Variants in GCC2 observed in about 807,000 individuals in gnomAD.
The protein encoded by GCC2 is GRIP and coiled-coil domain containing 2, also known as GRIP and coiled-coil domain-containing protein 2.
In GCC2, 120 loss-of-function variants were observed where a neutral mutation model predicts 210.6. The observed-to-expected ratio is 0.57, with a 90% CI of 0.49 to 0.66. The LOEUF is 0.66. Ranked by LOEUF, GCC2 falls within the 30% of genes least tolerant of loss-of-function variation. The pLI, the probability that GCC2 is intolerant of heterozygous loss-of-function variation, is 0.00. For missense variants in GCC2, 1,868 were observed against 1,871.9 expected, an observed-to-expected ratio of 1.00 and a Z score of 0.04; for synonymous variants, 703 against 652.7, an observed-to-expected ratio of 1.08 and a Z score of -1.17.
Position 108,471,777 on chromosome 2 carries a change from G to A in GCC2, c.2448G>A (p.Lys816=), listed in dbSNP as rs964071112. Residue 816 remains lysine, a synonymous_variant, in exon 6 of 23, where the codon AAG becomes AAA. Transcript: ENST00000309863. The part of the protein sequence containing the change: ...EKVLELEKEI[K]CLQEESVVQC... ...TATTAGAGTTAGAAAAAGAGATTAA[G>A]TGCCTTCAAGAAGAGAGTGTAGTTC... 1.2e-6 allele frequency: 2 copies of A among 1,613,114 alleles called. No individual in the cohort carries two copies. The highest frequency in any genetic ancestry group is 1.7e-6 in the Non-Finnish European group (2 of 1,179,496).
At chr2:108,465,181 GT>G (rs1309491433) in intron 4 of GCC2, among the ~76,000 whole-genome samples, 1 of 152,132 alleles carries the variant, frequency 6.6e-6, no homozygotes, top group Non-Finnish European at 1.5e-5. Context: ...ACCTTAATGT[GT>G]TTTCCGTCAC....
In GCC2 at chr2:108,508,973, A is replaced by G. The variant is rs1455476669; in HGVS notation, c.*1343A>G. ...GAACATTGGTTTCCAATTCAGTTTA[A>G]CTGAAATTTGCTGCTGATATGTTGA... On this transcript the variant is annotated 3_prime_UTR_variant, in exon 23 of 23. Coordinates refer to ENST00000309863, the MANE Select transcript of GCC2 (RefSeq NM_181453.4). The G allele has an allele frequency of 6.6e-6, 1 of 152,656 alleles. No individual in the cohort carries two copies. The highest frequency in any genetic ancestry group is 1.9e-4 in the East Asian group (1 of 5,200). 9.5% of individuals were successfully genotyped at this position (152,656 alleles called of 1,614,324 possible).
chr2:108,505,544 G>C (rs1485904663), intron 22 of GCC2, among the ~76,000 whole-genome samples: 1 of 152,142 alleles, frequency 6.6e-6, no homozygotes, highest in Non-Finnish European at 1.5e-5. Flanking sequence ...TATCTTGCTA[G>C]CGGACTCTCT....
Position 108,470,967 on chromosome 2 carries a change from G to C in GCC2, c.1638G>C (p.Lys546Asn), listed in dbSNP as rs1467723931. 1.2e-5 allele frequency: 20 copies of C among 1,613,112 alleles called. No homozygotes were observed. The highest frequency in any genetic ancestry group is 1.6e-5 in the Non-Finnish European group (19 of 1,179,574). ...ATCGCCTCCAGGGAGAAAATGAAAAGTTACTATCTCAACAAGAATTGGTAC... is the reference window on the plus strand; with the variant it reads ...ATCGCCTCCAGGGAGAAAATGAAAACTTACTATCTCAACAAGAATTGGTAC... Reference protein sequence around the residue: ...TVNRLQGENEKLLSQQELVPE... With the variant: ...TVNRLQGENENLLSQQELVPE... Residue 546 changes from lysine (K) to asparagine (N), a missense_variant, in exon 6 of 23, where the codon AAG becomes AAC. Lys to Asn is a moderately conservative substitution (Grantham distance 94). Around this residue, in one of 3 missense-constraint regions of GCC2, gnomAD observed 1,847 missense variants for 1,765.2 expected, o/e 1.05. Coordinates refer to ENST00000309863, the MANE Select transcript of GCC2 (RefSeq NM_181453.4).
At chr2:108,495,181 A>T in intron 19 of GCC2, 110 bp from the exon 20 acceptor site, 1 of 600,278 alleles carries the variant, frequency 1.7e-6, no homozygotes, top group Non-Finnish European at 2.9e-6. Flanking sequence ...TAGTTACTTA[A>T]TTCCTCTACT....
At chr2:108,449,743 T>A in intron 2 of GCC2, 54 bp downstream of exon 2, 1 of 1,421,422 alleles carries the variant, frequency 7.0e-7, no homozygotes, top group Non-Finnish European at 9.9e-7. Context: ...GGTGATGAAT[T>A]GGAAAACTTT....
intron 18 of GCC2, among the ~76,000 whole-genome samples, chr2:108,490,443 T>G (rs1163295005): frequency 6.6e-6 from 1 of 152,240 alleles, no homozygotes; most frequent in Non-Finnish European, 1.5e-5. Flanking sequence ...TGTAATACTT[T>G]AAATAGACAT....
intron 2 of GCC2, chr2:108,449,906 G>C: frequency 5.4e-6 from 3 of 560,268 alleles, no homozygotes; most frequent in Non-Finnish European, 9.5e-6. Flanking sequence ...CTCCTGGTTA[G>C]CACTGCTGGG....
chr2:108,455,065 A>G (rs1258700044), intron 4 of GCC2, among the ~76,000 whole-genome samples: 1 of 152,146 alleles, frequency 6.6e-6, no homozygotes, highest in Non-Finnish European at 1.5e-5. Context: ...GAATAAGAAC[A>G]TTTAAATATC....
At chr2:108,492,842 C>G in intron 19 of GCC2, 52 bp downstream of exon 19, 1 of 1,251,930 alleles carries the variant, frequency 8.0e-7, no homozygotes. Flanking sequence ...ATGCATTTGT[C>G]TCTTAAATAC....
intron 9 of GCC2, among the ~76,000 whole-genome samples, chr2:108,476,650 A>G (rs1573380255): frequency 1.3e-5 from 2 of 152,230 alleles, no homozygotes; most frequent in Admixed American, 6.5e-5. Flanking sequence ...ATTAAAAATT[A>G]AAGTACAACA....
intron 4 of GCC2, among the ~76,000 whole-genome samples, chr2:108,456,909 T>TA (rs1377341299): frequency 6.6e-6 from 1 of 150,862 alleles, no homozygotes; most frequent in Non-Finnish European, 1.5e-5. Context: ...TAATCACACT[T>TA]ACTGCACTCC....
intron 5 of GCC2, chr2:108,469,359 A>G: frequency 4.7e-6 from 2 of 429,464 alleles, no homozygotes; most frequent in Non-Finnish European, 8.2e-6. Context: ...ACATGACTAA[A>G]TACCATTATC....
intron 19 of GCC2, 86 bp downstream of exon 19, chr2:108,492,876 G>T (rs970840000): frequency 3.3e-6 from 3 of 916,284 alleles, no homozygotes; most frequent in Non-Finnish European, 5.2e-6. Context: ...TCATAAGAAA[G>T]AAAATTTACT....
Position 108,492,695 on chromosome 2 carries a change from A to G in GCC2, c.4352A>G (p.Gln1451Arg), listed in dbSNP as rs1682466049. The part of the protein sequence containing the change: ...NSFRDQVRHL[Q>R]EEHRKTVETL... The stretch of plus-strand genomic sequence containing the variant: ...TTCCGAGATCAAGTGCGACATTTGC[A>G]GGAAGAACACAGAAAGACAGTGGAG... The change falls in exon 19 of 23, where the codon CAG (glutamine) becomes CGG (arginine). Residue 1451 changes from glutamine to arginine, a missense_variant. Physicochemically the swap from Gln to Arg is conservative, Grantham distance 43 (BLOSUM62 1). Coordinates refer to ENST00000309863, the MANE Select transcript of GCC2 (RefSeq NM_181453.4). 6.2e-7 allele frequency: 1 copy of G among 1,613,836 alleles called. No individual in the cohort carries two copies. Among genetic ancestry groups the G allele is most frequent in the African/African-American group, 1.3e-5 (1 of 74,932 alleles).
chr2:108,471,411 C>A lies in GCC2; in HGVS notation c.2082C>A (p.Asn694Lys). The A allele has an allele frequency of 6.2e-7, 1 of 1,605,376 alleles. No individual in the cohort carries two copies. Among genetic ancestry groups the A allele is most frequent in the Non-Finnish European group, 8.5e-7 (1 of 1,177,634 alleles). Reference sequence around the variant, plus strand: ...AAGTGAAGTCTCTTTATGAGGAAAACAATAAACTCAGTTCAGAAAAAAAAC... The same window carrying A: ...AAGTGAAGTCTCTTTATGAGGAAAAAAATAAACTCAGTTCAGAAAAAAAAC... Reference protein sequence around the residue: ...SAEVKSLYEENNKLSSEKKQL... With the variant: ...SAEVKSLYEEKNKLSSEKKQL... The change falls in exon 6 of 23, where the codon AAC becomes AAA. Residue 694 changes from asparagine (N) to lysine (K), a missense_variant. Coordinates refer to ENST00000309863, the MANE Select transcript of GCC2 (RefSeq NM_181453.4).
chr2:108,458,720 C>G (rs1680398171), intron 4 of GCC2, among the ~76,000 whole-genome samples: 1 of 151,998 alleles, frequency 6.6e-6, no homozygotes, highest in Non-Finnish European at 1.5e-5. Context: ...CATAGCTGTT[C>G]ATAATATTCT....
At position 108,481,722 on chromosome 2, in the gene GCC2, A is replaced by C; in HGVS notation, c.3086A>C (p.Gln1029Pro). Reference protein sequence around the residue: ...YKNLLLEYEKQSEQLDVEKER... With the variant: ...YKNLLLEYEKPSEQLDVEKER... Reference sequence around the variant, plus strand: ...AATCTTTTATTAGAATATGAAAAGCAGTCAGAGCAACTGGATGTGGAAAAA... The same window carrying C: ...AATCTTTTATTAGAATATGAAAAGCCGTCAGAGCAACTGGATGTGGAAAAA... Residue 1029 changes from glutamine to proline, a missense_variant, in exon 10 of 23, where the codon CAG (glutamine) becomes CCG (proline). Gln to Pro is a moderately conservative substitution (Grantham distance 76, BLOSUM62 -1). Around this residue, in one of 3 missense-constraint regions of GCC2, gnomAD observed 1,847 missense variants for 1,765.2 expected, o/e 1.05. Coordinates refer to ENST00000309863, the MANE Select transcript of GCC2 (RefSeq NM_181453.4). 6.3e-7 allele frequency: 1 copy of C among 1,599,500 alleles called. No individual in the cohort carries two copies. Among genetic ancestry groups the C allele is most frequent in the Non-Finnish European group, 8.5e-7 (1 of 1,171,830 alleles).
intron 19 of GCC2, 147 bp downstream of exon 19, chr2:108,492,937 TAGAA>T: frequency 1.5e-6 from 1 of 662,640 alleles, no homozygotes; most frequent in South Asian, 1.8e-5. Flanking sequence ...ATTTGCTTAC[TAGAA>T]AGATAATTGA....
Sources: gnomAD v4.1 joint callset for allele counts (sites outside exome capture counted in the v4.1 genomes callset) on GRCh38, gnomAD v4.1.1 for gene constraint, gnomAD v4.1.1 regional missense constraint, MANE v1.5 for transcripts, NCBI Gene and HGNC (gene_info 2026-07-23, HGNC 2026-07-21) for gene names.